The following OXTR variants were observed in gnomAD, a reference collection of about 807,000 sequenced individuals.
OXTR encodes oxytocin receptor.
In OXTR, 19 loss-of-function variants were observed where a neutral mutation model predicts 23.9. That is an observed-to-expected ratio of 0.80 (90% CI 0.56 to 1.17). The LOEUF (loss-of-function observed/expected upper bound fraction) is 1.17, where lower values mean the gene tolerates loss of function less well. OXTR is among the 50% of genes most tolerant of loss of function. The pLI is 0.00. For missense variants in OXTR, 500 were observed against 550.7 expected (o/e 0.91, Z 0.92); for synonymous variants, 278 against 250.5 (o/e 1.11, Z -1.04).
rs1372016403 is a variant in OXTR, at chr3:8,752,033, C to T, written c.*944G>A. 1 of 152,106 alleles carries T rather than the reference C, an allele frequency of 6.6e-6. No individual in the cohort carries two copies. Among genetic ancestry groups the T allele is most frequent in the Non-Finnish European group, 1.5e-5 (1 of 67,994 alleles). 9.4% of individuals were successfully genotyped at this position (152,106 alleles called of 1,614,324 possible). A position where few individuals can be genotyped will look rare whatever the true frequency, so the allele number is the denominator to read the frequency against. Reference sequence around the variant, plus strand: ...CATTTATTTAAGCCTTCTTTAATTTCTTTCCAATTTTGTAGTTTTCAGTCT... The same window carrying T: ...CATTTATTTAAGCCTTCTTTAATTTTTTTCCAATTTTGTAGTTTTCAGTCT... On this transcript the variant is annotated 3_prime_UTR_variant, in exon 4 of 4. Transcript: ENST00000316793.
At chr3:8,762,034 C>T (rs1043780630) in intron 3 of OXTR, among the ~76,000 whole-genome samples, 2 of 152,314 alleles carry the variant, frequency 1.3e-5, no homozygotes, top group African/African-American at 4.8e-5. Flanking sequence ...CCTTTGCTTC[C>T]AAAAGTTGCC....
rs1305951780 is a variant in OXTR at position 8,768,067 on chromosome 3, C to A, written c.121G>T (p.Val41Leu). Residue 41 changes from valine to leucine, a missense_variant, in exon 3 of 4, where the codon GTG becomes TTG. Transcript: ENST00000316793. The surrounding 1 kb of genome is among the most constrained non-coding windows in gnomAD (Gnocchi z 5.4). ...PPRRNEALAR[V>L]EVAVLCLILL... ...ATGAGACACAGCACCGCCACCTCCACGCGCGCCAGGGCCTCGTTGCGCCGC... is the reference window on the plus strand; with the variant it reads ...ATGAGACACAGCACCGCCACCTCCAAGCGCGCCAGGGCCTCGTTGCGCCGC... 3.2e-6 allele frequency: 5 copies of A among 1,550,094 alleles called. No individual in the cohort carries two copies. Among genetic ancestry groups the A allele is most frequent in the Non-Finnish European group, 8.7e-7 (1 of 1,151,636 alleles).
chr3:8,767,080 G>A (rs777607964), intron 3 of OXTR, among the ~76,000 whole-genome samples, 186 bp downstream of exon 3: 1 of 152,186 alleles, frequency 6.6e-6, no homozygotes, highest in Non-Finnish European at 1.5e-5. Flanking sequence ...AGAGAAAGTG[G>A]AGGCTCAGGG....
At chr3:8,758,052 G>A (rs1025073266) in intron 3 of OXTR, among the ~76,000 whole-genome samples, 2 of 152,114 alleles carry the variant, frequency 1.3e-5, no homozygotes, top group African/African-American at 4.8e-5. Flanking sequence ...TGTGCCAAGC[G>A]GGGGACATGA....
In OXTR at chr3:8,768,645, TAAAACCA is replaced by T; in HGVS notation, c.-238-61_-238-55del. On this transcript the variant is annotated intron_variant, in intron 1 of 3. Coordinates refer to ENST00000316793, the MANE Select transcript of OXTR (RefSeq NM_000916.4). This position sits in a 1 kb window ranked among gnomAD's most constrained non-coding sequence, Gnocchi z 5.4. ...CAACGTTCCTCCGGGAGTGGGAATC[TAAAACCA>T]AATCACCTCCCCGAGGGAATCTCCA... The T allele has an allele frequency of 6.4e-6, 1 of 156,550 alleles. No homozygotes were observed. The highest frequency in any genetic ancestry group is 3.2e-3 in the Middle Eastern group (1 of 310). The allele number at this position is 156,550 out of a possible 1,614,324, so 9.7% of individuals were successfully genotyped here.
At chr3:8,761,756 C>T (rs371932372) in intron 3 of OXTR, among the ~76,000 whole-genome samples, 1 of 152,224 alleles carries the variant, frequency 6.6e-6, no homozygotes, top group Non-Finnish European at 1.5e-5. Flanking sequence ...ACCAACTGAT[C>T]CCACTCCTCC....
chr3:8,764,198 G>A (rs1708555479), intron 3 of OXTR, among the ~76,000 whole-genome samples: 1 of 140,040 alleles, frequency 7.1e-6, no homozygotes, highest in African/African-American at 3.1e-5. Context: ...ACCCACTCTG[G>A]CAGCCTTGAT....
chr3:8,754,309 C>T (rs1367574050), intron 3 of OXTR, among the ~76,000 whole-genome samples: 2 of 152,128 alleles, frequency 1.3e-5, no homozygotes, highest in Non-Finnish European at 2.9e-5. Flanking sequence ...TAAAAATCTG[C>T]CTTCTTTCAA....
downstream of OXTR, chr3:8,745,642 C>T (rs1256028341): frequency 6.8e-6 from 11 of 1,614,094 alleles, no homozygotes; most frequent in Non-Finnish European, 9.3e-6. The surrounding 1 kb of genome is among the most constrained non-coding windows in gnomAD (Gnocchi z 4.8). Flanking sequence ...GTCTGTTGTC[C>T]ACGCTGCTGG....
At chr3:8,749,184 A>G (rs1708213609), downstream of OXTR, among the ~76,000 whole-genome samples, 1 of 152,098 alleles carries the variant, frequency 6.6e-6, no homozygotes, top group Non-Finnish European at 1.5e-5. Flanking sequence ...AATGCTCTCA[A>G]GGAGATGGGT....
At position 8,753,047 on chromosome 3, in the gene OXTR, T is replaced by C. The variant is rs148899442; in HGVS notation, c.1100A>G (p.Asn367Ser). 170 of 1,613,732 alleles carry C rather than the reference T, an allele frequency of 1.1e-4. No homozygotes were observed. Among genetic ancestry groups the C allele is most frequent in the Non-Finnish European group, 7.7e-5 (91 of 1,179,950 alleles). The change falls in exon 4 of 4, where the codon AAC (asparagine) becomes AGC (serine). Residue 367 changes from asparagine (N) to serine (S), a missense_variant. Coordinates refer to ENST00000316793, the MANE Select transcript of OXTR (RefSeq NM_000916.4). Reference sequence around the variant, plus strand: ...ATGGCTCAGGACAAAGGAGGACGAGTTGCTCTTTTTGCTGGCACTCGTCTC... The same window carrying C: ...ATGGCTCAGGACAAAGGAGGACGAGCTGCTCTTTTTGCTGGCACTCGTCTC... ...LGETSASKKS[N>S]SSSFVLSHRS...
chr3:8,762,138 G>T (rs920340987), intron 3 of OXTR, among the ~76,000 whole-genome samples: 14 of 152,138 alleles, frequency 9.2e-5, no homozygotes, highest in Admixed American at 6.5e-4. Flanking sequence ...AGCCTCCACA[G>T]ACAGTGTGAT....
chr3:8,768,123 C>T lies in OXTR; in HGVS notation c.65G>A (p.Gly22Glu), dbSNP rs113718500. ...EAANASAAPP[G>E]AEGNRTAGPP... ...TCCGGCGGTGCGGTTGCCCTCGGCC[C>T]CCGGCGGCGCGGCGCTGGCGTTGGC... Residue 22 changes from glycine to glutamate, a missense_variant, in exon 3 of 4, where the codon GGG becomes GAG. Transcript: ENST00000316793. This position sits in a 1 kb window ranked among gnomAD's most constrained non-coding sequence, Gnocchi z 5.4. The T allele has an allele frequency of 7.3e-7, 1 of 1,360,784 alleles. No individual in the cohort carries two copies. The highest frequency in any genetic ancestry group is 3.1e-5 in the East Asian group (1 of 32,554). 84.3% of individuals were successfully genotyped at this position (1,360,784 alleles called of 1,614,324 possible). A position where few individuals can be genotyped will look rare whatever the true frequency, so the allele number is the denominator to read the frequency against.
downstream of OXTR, chr3:8,745,536 A>C (rs137901165): frequency 1.5e-5 from 25 of 1,613,984 alleles, no homozygotes; most frequent in African/African-American, 3.3e-4. The surrounding 1 kb of genome is among the most constrained non-coding windows in gnomAD (Gnocchi z 4.8). Flanking sequence ...GTGGATTTTG[A>C]AGACGTGATC....
intron 3 of OXTR, among the ~76,000 whole-genome samples, chr3:8,764,147 G>A (rs1221326717): frequency 6.6e-6 from 1 of 150,980 alleles, no homozygotes; most frequent in Non-Finnish European, 1.5e-5. Flanking sequence ...TCGGGTCCCT[G>A]GGCCACCACA....
chr3:8,748,434 C>A (rs140487227), downstream of OXTR, among the ~76,000 whole-genome samples: 161 of 152,262 alleles, frequency 1.1e-3, no homozygotes, highest in Non-Finnish European at 2.0e-3. Context: ...AGAATGGGAC[C>A]AGGGCCCCCT....
At chr3:8,764,679 C>T (rs973406266) in intron 3 of OXTR, among the ~76,000 whole-genome samples, 5 of 152,170 alleles carry the variant, frequency 3.3e-5, no homozygotes, top group East Asian at 1.9e-4. Flanking sequence ...CCTGCATCCC[C>T]GAGGCCTAGG....
the OXTR span, among the ~76,000 whole-genome samples, chr3:8,741,759 G>A: frequency 6.6e-6 from 1 of 151,962 alleles, no homozygotes; most frequent in Non-Finnish European, 1.5e-5. Context: ...AGGTATTTTC[G>A]ACCCCGGGTG....
At chr3:8,757,123 A>G (rs1408809252) in intron 3 of OXTR, among the ~76,000 whole-genome samples, 3 of 152,100 alleles carry the variant, frequency 2.0e-5, no homozygotes, top group Non-Finnish European at 1.5e-5. Flanking sequence ...CACTCTCTGA[A>G]CTACATCTGA....
Sources: gnomAD v4.1 joint callset for allele counts (sites outside exome capture counted in the v4.1 genomes callset) on GRCh38, gnomAD v4.1.1 for gene constraint, Gnocchi (gnomAD v3.1) non-coding constraint, MANE v1.5 for transcripts, NCBI Gene and HGNC (gene_info 2026-07-23, HGNC 2026-07-21) for gene names.